Variants in ATE1 observed in about 807,000 individuals in gnomAD.
ATE1 encodes arginyltransferase 1.
Under a neutral mutation model 70.5 loss-of-function variants are expected in ATE1, and 36 were observed. The observed-to-expected ratio is 0.51, with a 90% CI of 0.39 to 0.67. The LOEUF (loss-of-function observed/expected upper bound fraction) is 0.67. Ranked by LOEUF, ATE1 falls within the 30% of genes least tolerant of loss-of-function variation. The probability of loss-of-function intolerance (pLI) is 0.00; values close to 1 mark genes in which losing one functional copy is unlikely to be tolerated. For missense variants in ATE1, 593 were observed against 629.5 expected, an observed-to-expected ratio of 0.94 and a Z score of 0.62; for synonymous variants, 232 against 219.3, an observed-to-expected ratio of 1.06 and a Z score of -0.51.
At chr10:121,927,327 C>CT (rs76921831) in intron 1 of ATE1, 1,324 of 763,668 alleles carry the variant, frequency 1.7e-3, no homozygotes, top group Middle Eastern at 3.4e-3. Flanking sequence ...GTTTCTTGTC[C>CT]TTTTTTTTTT....
At chr10:121,787,372 C>G (rs755458266) in intron 11 of ATE1, among the ~76,000 whole-genome samples, 14 of 152,166 alleles carry the variant, frequency 9.2e-5, no homozygotes, top group Non-Finnish European at 1.9e-4. Context: ...TCACAGATTG[C>G]CATTTAAACC....
chr10:121,892,850 C>T (rs1199523425), intron 7 of ATE1, among the ~76,000 whole-genome samples: 1 of 152,154 alleles, frequency 6.6e-6, no homozygotes, highest in Non-Finnish European at 1.5e-5. Flanking sequence ...CAGGGAGAGA[C>T]AAAAAGAACA....
chr10:121,782,825 G>C (rs1465691453), intron 11 of ATE1: 4 of 152,174 alleles, frequency 2.6e-5, no homozygotes, highest in Admixed American at 2.6e-4. Context: ...TGTGACAAGA[G>C]AGACTGGCCT....
chr10:121,763,676 C>T (rs1945151582), intron 11 of ATE1, among the ~76,000 whole-genome samples: 1 of 152,148 alleles, frequency 6.6e-6, no homozygotes, highest in Non-Finnish European at 1.5e-5. Context: ...ACACGTCATA[C>T]ATGTCATTAG....
intron 8 of ATE1, among the ~76,000 whole-genome samples, chr10:121,852,136 T>C (rs1353829178): frequency 6.6e-6 from 1 of 152,156 alleles, no homozygotes. Context: ...TTTGAGGGGA[T>C]TTACTACGAA....
chr10:121,928,081 C>T (rs1200603340), upstream of ATE1: 15 of 1,205,762 alleles, frequency 1.2e-5, no homozygotes, highest in Non-Finnish European at 1.5e-5. Context: ...CGCCCGCAGG[C>T]CCGGCCGGCC....
chr10:121,759,668 G>A (rs1297161599), intron 11 of ATE1, among the ~76,000 whole-genome samples: 1 of 151,600 alleles, frequency 6.6e-6, no homozygotes, highest in Non-Finnish European at 1.5e-5. Flanking sequence ...AGCTTGCAGT[G>A]GGCCGAGACT....
At chr10:121,786,799 T>A (rs1181849030) in intron 11 of ATE1, among the ~76,000 whole-genome samples, 1 of 152,086 alleles carries the variant, frequency 6.6e-6, no homozygotes, top group African/African-American at 2.4e-5. Context: ...AATGACAACG[T>A]AAGGATGCAG....
intron 7 of ATE1, among the ~76,000 whole-genome samples, chr10:121,896,049 T>G (rs957533539): frequency 2.6e-5 from 4 of 152,170 alleles, no homozygotes; most frequent in African/African-American, 9.7e-5. Flanking sequence ...AAGAATAGAG[T>G]TCCCTTTTTA....
At chr10:121,825,728 C>CT (rs1947981689) in intron 10 of ATE1, among the ~76,000 whole-genome samples, 1 of 152,190 alleles carries the variant, frequency 6.6e-6, no homozygotes, top group Non-Finnish European at 1.5e-5. Flanking sequence ...TTGTGCATTG[C>CT]TGGCAGGATG....
intron 7 of ATE1, among the ~76,000 whole-genome samples, chr10:121,883,799 T>C (rs1284646926): frequency 2.0e-5 from 3 of 152,114 alleles, no homozygotes; most frequent in Non-Finnish European, 4.4e-5. Context: ...GGCAACATCA[T>C]GTCTAGTATA....
chr10:121,764,400 G>A (rs1203194244), intron 11 of ATE1, among the ~76,000 whole-genome samples: 1 of 150,790 alleles, frequency 6.6e-6, no homozygotes, highest in Non-Finnish European at 1.5e-5. Flanking sequence ...CCTTTGGGAC[G>A]CCAAGACAAG....
At chr10:121,760,366 A>C (rs1944988356) in intron 11 of ATE1, among the ~76,000 whole-genome samples, 2 of 152,262 alleles carry the variant, frequency 1.3e-5, no homozygotes, top group South Asian at 4.1e-4. Context: ...ACCATTCTAA[A>C]TGCCATTCAG....
intron 8 of ATE1, among the ~76,000 whole-genome samples, chr10:121,843,482 A>C (rs1948706193): frequency 6.6e-6 from 1 of 152,182 alleles, no homozygotes; most frequent in African/African-American, 2.4e-5. Context: ...TAGCGAACCC[A>C]ATACTGTGGA....
intron 10 of ATE1, among the ~76,000 whole-genome samples, chr10:121,834,622 G>C (rs1590429571): frequency 6.6e-6 from 1 of 151,984 alleles, no homozygotes; most frequent in South Asian, 2.1e-4. Flanking sequence ...TATTTAGTCT[G>C]GACTAGAGTC....
At chr10:121,899,747 A>G (rs1950907025) in intron 7 of ATE1, 119 bp downstream of exon 7, 1 of 1,420,574 alleles carries the variant, frequency 7.0e-7, no homozygotes, top group African/African-American at 1.4e-5. Context: ...GTCTTTGCAG[A>G]TATGCTGCAA....
chr10:121,758,808 C>T (rs549387429), intron 11 of ATE1, among the ~76,000 whole-genome samples: 1 of 152,204 alleles, frequency 6.6e-6, no homozygotes, highest in African/African-American at 2.4e-5. Context: ...TTATGGTGAT[C>T]TATGATCAGT....
intron 5 of ATE1, among the ~76,000 whole-genome samples, chr10:121,909,391 G>A (rs1333674191): frequency 1.3e-5 from 2 of 152,124 alleles, no homozygotes; most frequent in Non-Finnish European, 2.9e-5. Context: ...ACTATTCAAT[G>A]GCATTAAGAA....
At chr10:121,874,385 G>C (rs921475710) in intron 7 of ATE1, among the ~76,000 whole-genome samples, 3 of 152,002 alleles carry the variant, frequency 2.0e-5, no homozygotes, top group Non-Finnish European at 4.4e-5. Context: ...TTCCACAAAA[G>C]AAAAAAGTTT....
Sources: gnomAD v4.1 joint callset for allele counts (sites outside exome capture counted in the v4.1 genomes callset) on GRCh38, gnomAD v4.1.1 for gene constraint, MANE v1.5 for transcripts, NCBI Gene and HGNC (gene_info 2026-07-23, HGNC 2026-07-21) for gene names.